Variants in ANOS1 observed in about 807,000 individuals in gnomAD.
ANOS1 encodes the protein anosmin-1.
A neutral mutation model predicts 59.0 loss-of-function variants in ANOS1; 6 were observed. That is an observed-to-expected ratio of 0.10 (90% CI 0.06 to 0.20). The LOEUF (loss-of-function observed/expected upper bound fraction) is 0.20. Ranked by LOEUF, ANOS1 falls within the 10% of genes least tolerant of loss-of-function variation. The pLI is 1.00. For missense variants in ANOS1, 433 were observed against 542.3 expected, an observed-to-expected ratio of 0.80 and a Z score of 2.00; for synonymous variants, 217 against 223.4, an observed-to-expected ratio of 0.97 and a Z score of 0.25.
Position 8,668,571 on chromosome X carries a change from G to A in ANOS1, c.255+31127C>T, listed in dbSNP as rs138475924. Among the ~76,000 whole-genome samples the A allele has an allele frequency of 6.6e-3, 668 of 100,788 alleles. 3 individuals are homozygous for A. The highest frequency in any genetic ancestry group is 0.023 in the African/African-American group (627 of 27,713). The allele number at this position is 100,788 out of a possible 115,157, so 87.5% of individuals were successfully genotyped here. A position where few individuals can be genotyped will look rare whatever the true frequency, so the allele number is the denominator to read the frequency against. Reference sequence around the variant, plus strand: ...ATGGAATACCATATATATATATGATGGAATACTATATTATATATACCATAT... The same window carrying A: ...ATGGAATACCATATATATATATGATAGAATACTATATTATATATACCATAT... On this transcript the variant is annotated intron_variant, in intron 2 of 13. Transcript: ENST00000262648.
intron 2 of ANOS1, among the ~76,000 whole-genome samples, chrX:8,687,322 C>A: frequency 9.0e-6 from 1 of 110,511 alleles, no homozygotes; most frequent in Middle Eastern, 4.6e-3. Flanking sequence ...GTTCCAGATG[C>A]CTGGTGGCTT....
chrX:8,702,323 G>T (rs1932761130), intron 1 of ANOS1, among the ~76,000 whole-genome samples: 1 of 112,406 alleles, frequency 8.9e-6, no homozygotes, highest in African/African-American at 3.2e-5. Context: ...GAGAAAGCAT[G>T]TAAGAGGGCA....
chrX:8,547,383 T>C (rs1375145123), intron 9 of ANOS1, among the ~76,000 whole-genome samples: 1 of 112,154 alleles, frequency 8.9e-6, no homozygotes, highest in Non-Finnish European at 1.9e-5. Context: ...AGTGTTCATC[T>C]TCCCTGGCCA....
chrX:8,729,712 TAAAA>T lies in ANOS1; in HGVS notation c.207+2114_207+2117del, dbSNP rs1173021674. ...CCCGGCCCATCTTCCTTCTAATTAT[TAAAA>T]AAAAAAAAAAAAAAAAAAAAAAAGG... On this transcript the variant is annotated intron_variant, in intron 1 of 13. Coordinates refer to ENST00000262648, the MANE Select transcript of ANOS1 (RefSeq NM_000216.4). 1.3e-4 allele frequency among the ~76,000 whole-genome samples: 8 copies of T among 63,070 alleles called. No homozygotes were observed. The East Asian group carries it at 1.5e-3, about 12-fold the overall frequency. The allele number at this position is 63,070 out of a possible 115,157, so 54.8% of individuals were successfully genotyped here.
chrX:8,535,041 A>AT (rs745610136), intron 12 of ANOS1: 121 of 115,124 alleles, frequency 1.1e-3, no homozygotes, highest in Admixed American at 2.0e-3. Flanking sequence ...CTCTTTTTGG[A>AT]TTTTGTAACG....
At chrX:8,594,276 C>T (rs1383014333) in intron 4 of ANOS1, among the ~76,000 whole-genome samples, 1 of 110,160 alleles carries the variant, frequency 9.1e-6, no homozygotes, top group East Asian at 2.9e-4. Flanking sequence ...AAGAAGGCAT[C>T]TTGGAGGTAG....
intron 1 of ANOS1, among the ~76,000 whole-genome samples, chrX:8,710,971 G>A (rs1490578572): frequency 8.9e-6 from 1 of 112,120 alleles, no homozygotes; most frequent in Non-Finnish European, 1.9e-5. Context: ...GGACCAAGAC[G>A]ATGACACAAA....
At chrX:8,728,774 T>C (rs1202335973) in intron 1 of ANOS1, among the ~76,000 whole-genome samples, 23 of 112,175 alleles carry the variant, frequency 2.1e-4, no homozygotes, top group Non-Finnish European at 3.8e-5. Context: ...CCCATCTTCC[T>C]TTCTTCCTTT....
At chrX:8,593,827 C>T (rs1930661881) in intron 4 of ANOS1, among the ~76,000 whole-genome samples, 2 of 111,121 alleles carry the variant, frequency 1.8e-5, no homozygotes, top group South Asian at 7.8e-4. Context: ...GCACATGCCA[C>T]CATGCCTAGC....
chrX:8,622,876 A>G (rs965654621), intron 3 of ANOS1, among the ~76,000 whole-genome samples: 3 of 112,155 alleles, frequency 2.7e-5, no homozygotes, highest in African/African-American at 9.7e-5. Context: ...ACAATATTAC[A>G]CATTCTCCCA....
intron 1 of ANOS1, among the ~76,000 whole-genome samples, chrX:8,710,576 G>A (rs1932806886): frequency 8.9e-6 from 1 of 111,843 alleles, no homozygotes; most frequent in African/African-American, 3.3e-5. Context: ...TCTTCTTGGT[G>A]AAAACAAGAC....
intron 2 of ANOS1, among the ~76,000 whole-genome samples, chrX:8,678,307 A>G (rs1015928127): frequency 1.8e-5 from 2 of 112,290 alleles, no homozygotes; most frequent in Non-Finnish European, 3.8e-5. Flanking sequence ...CCAAGTTCAA[A>G]GGGAATATTG....
intron 3 of ANOS1, among the ~76,000 whole-genome samples, chrX:8,609,499 T>C (rs1461639338): frequency 8.9e-6 from 1 of 111,817 alleles, no homozygotes; most frequent in East Asian, 2.8e-4. Flanking sequence ...GAATGTTATG[T>C]TATTACGAGG....
At chrX:8,537,600 A>C (rs978540962) in intron 10 of ANOS1, among the ~76,000 whole-genome samples, 5 of 111,000 alleles carry the variant, frequency 4.5e-5, no homozygotes, top group African/African-American at 1.6e-4. Context: ...ACCAATTCTT[A>C]ATGTATATGT....
At chrX:8,679,675 G>A (rs1990194) in intron 2 of ANOS1, among the ~76,000 whole-genome samples, 6,401 of 110,669 alleles carry the variant, frequency 0.058, 211 homozygotes, top group African/African-American at 0.12. Flanking sequence ...TCATGAGTAT[G>A]GAGTTTTAGT....
At chrX:8,578,987 G>GAC (rs1930377641) in intron 6 of ANOS1, among the ~76,000 whole-genome samples, 2 of 112,026 alleles carry the variant, frequency 1.8e-5, no homozygotes, top group Non-Finnish European at 3.8e-5. Flanking sequence ...CAGCAAACTG[G>GAC]TAAATACTAT....
At chrX:8,643,109 TTGA>T (rs1257097549) in intron 2 of ANOS1, among the ~76,000 whole-genome samples, 2 of 111,537 alleles carry the variant, frequency 1.8e-5, no homozygotes, top group Non-Finnish European at 3.8e-5. Flanking sequence ...TTTCTAGGTG[TTGA>T]TGACCTAGAG....
rs201667829 is a variant in ANOS1 at position 8,551,331 on chromosome X, TG to T, written c.1354+2620del. Among the ~76,000 whole-genome samples, 1,008 of 111,957 alleles carry T rather than the reference TG, an allele frequency of 9.0e-3. 14 individuals are homozygous for T. The highest frequency in any genetic ancestry group is 0.03 in the African/African-American group (939 of 30,788). ...ACCTAAAGGAAACAAAATGATGAAT[TG>T]CTTATCTCTAAAATTAAGAACCACT... On this transcript the variant is annotated intron_variant, in intron 9 of 13. Transcript: ENST00000262648.
intron 6 of ANOS1, among the ~76,000 whole-genome samples, chrX:8,571,912 A>G (rs1930239809): frequency 8.9e-6 from 1 of 111,875 alleles, no homozygotes; most frequent in Non-Finnish European, 1.9e-5. Context: ...AGACTGGAGA[A>G]AAAAAATCCT....
Sources: allele counts gnomAD v4.1 joint callset (sites outside exome capture counted in the v4.1 genomes callset), GRCh38; gene constraint gnomAD v4.1.1; transcripts MANE v1.5; gene names NCBI Gene and HGNC (gene_info 2026-07-23, HGNC 2026-07-21).